The following ARL10 variants were observed in gnomAD, a reference collection of about 807,000 sequenced individuals.
ARL10 encodes the protein ADP-ribosylation factor-like protein 10.
Under a neutral mutation model 26.1 loss-of-function variants are expected in ARL10, and 23 were observed. That is an observed-to-expected ratio of 0.88 (90% CI 0.63 to 1.25). ARL10 has a LOEUF of 1.25. Among genes scored for constraint, ARL10 ranks in the 50% most tolerant of loss-of-function variants. The pLI is 0.00. For missense variants in ARL10, 300 were observed against 323.6 expected, an observed-to-expected ratio of 0.93 and a Z score of 0.56; for synonymous variants, 138 against 149.1, an observed-to-expected ratio of 0.93 and a Z score of 0.54.
the ARL10 span, among the ~76,000 whole-genome samples, chr5:176,410,643 C>A: frequency 6.6e-6 from 1 of 152,160 alleles, no homozygotes; most frequent in African/African-American, 2.4e-5. Flanking sequence ...ATCACTGACC[C>A]CTGGCCATGG....
In ARL10 at chr5:176,376,767, G is replaced by T. The variant is rs983739418; in HGVS notation, c.*4872G>T. ...ACAGGTGTGTAGTTCCAGGAGTCTG[G>T]AGAGGTCCTTTTGAGTTGTGAGATG... On this transcript the variant is annotated 3_prime_UTR_variant, in exon 4 of 4. Transcript: ENST00000310389. 4 of 152,286 alleles carry T rather than the reference G, an allele frequency of 2.6e-5. No individual in the cohort carries two copies. Among genetic ancestry groups the T allele is most frequent in the African/African-American group, 9.6e-5 (4 of 41,550 alleles). The allele number at this position is 152,286 out of a possible 1,614,324, so 9.4% of individuals were successfully genotyped here.
At chr5:176,396,529 G>A (rs760569600) in intron 1 of ARL10, 6 of 1,612,956 alleles carry the variant, frequency 3.7e-6, no homozygotes, top group East Asian at 4.5e-5. Flanking sequence ...CTTTGTCAGC[G>A]ATCCTTGAGG....
rs573834559 is a variant in ARL10, at chr5:176,394,771, T to C, written c.134-6970T>C. ...CGGAGGTTGCAGTGAGCTGAGATCATGCCACTGCACTCCAGCCTGGGTGAC... is the reference window on the plus strand; with the variant it reads ...CGGAGGTTGCAGTGAGCTGAGATCACGCCACTGCACTCCAGCCTGGGTGAC... On this transcript the variant is annotated intron_variant, in intron 1 of 1. Coordinates refer to the ARL10 transcript ENST00000514533. Among the ~76,000 whole-genome samples the C allele has an allele frequency of 1.9e-3, 291 of 151,716 alleles. 4 individuals are homozygous for C. The highest frequency in any genetic ancestry group is 3.5e-3 in the Non-Finnish European group (240 of 67,978).
chr5:176,365,972 C>T (rs1437562162), intron 1 of ARL10, among the ~76,000 whole-genome samples: 1 of 152,174 alleles, frequency 6.6e-6, no homozygotes, highest in African/African-American at 2.4e-5. Flanking sequence ...TGGCGCCACG[C>T]CGTCGCTCCA....
intron 1 of ARL10, chr5:176,396,329 C>T: frequency 1.4e-6 from 1 of 730,552 alleles, no homozygotes; most frequent in Non-Finnish European, 2.5e-6. Flanking sequence ...GTGGTTGCTG[C>T]CTGCACCCAC....
At chr5:176,389,734 T>C (rs193084725), downstream of ARL10, 120 of 437,550 alleles carry the variant, frequency 2.7e-4, no homozygotes, top group East Asian at 4.0e-3. Flanking sequence ...CCCTGCTTAA[T>C]AAACTCTAAA....
At chr5:176,365,959 C>T (rs1768279545) in intron 1 of ARL10, among the ~76,000 whole-genome samples, 1 of 152,192 alleles carries the variant, frequency 6.6e-6, no homozygotes. Context: ...GCGTGCGGCG[C>T]CTTGGCGCCA....
chr5:176,402,905 G>T (rs1756896447), downstream of ARL10, among the ~76,000 whole-genome samples: 1 of 152,186 alleles, frequency 6.6e-6, no homozygotes, highest in Non-Finnish European at 1.5e-5. Flanking sequence ...GCACGTGTAA[G>T]AATCACGTGG....
downstream of ARL10, among the ~76,000 whole-genome samples, chr5:176,403,548 G>A (rs1481810660): frequency 1.3e-5 from 2 of 150,758 alleles, no homozygotes; most frequent in Admixed American, 6.6e-5. Context: ...TCCGCCTCCC[G>A]GGTTCAAGCA....
In ARL10 at chr5:176,381,127, C is replaced by A. The variant is rs184139401; in HGVS notation, c.*9232C>A. 6.6e-6 allele frequency: 1 copy of A among 152,134 alleles called. No individual in the cohort carries two copies. The highest frequency in any genetic ancestry group is 2.4e-5 in the African/African-American group (1 of 41,420). The allele number at this position is 152,134 out of a possible 1,614,324, so 9.4% of individuals were successfully genotyped here. ...CAGACTCCTTGGATTGAAACAAACCCGTTATCAAAAGGATAACCTACCCAA... is the reference window on the plus strand; with the variant it reads ...CAGACTCCTTGGATTGAAACAAACCAGTTATCAAAAGGATAACCTACCCAA... On this transcript the variant is annotated 3_prime_UTR_variant, in exon 4 of 4. Coordinates refer to ENST00000310389, the MANE Select transcript of ARL10 (RefSeq NM_173664.6).
downstream of ARL10, chr5:176,386,563 A>G: frequency 2.0e-6 from 1 of 494,706 alleles, no homozygotes; most frequent in East Asian, 3.9e-5. Context: ...TACCCATGCC[A>G]GAGATTTACT....
At chr5:176,412,399 C>T in the ARL10 span, among the ~76,000 whole-genome samples, 1 of 152,156 alleles carries the variant, frequency 6.6e-6, no homozygotes. Context: ...TTACCAGGCT[C>T]CGTGTCCTAT....
chr5:176,373,254 C>T lies in ARL10; in HGVS notation c.*1359C>T, dbSNP rs868199792. 1.8e-5 allele frequency: 7 copies of T among 388,920 alleles called. No individual in the cohort carries two copies. Among genetic ancestry groups the T allele is most frequent in the Middle Eastern group, 6.4e-4 (1 of 1,572 alleles). The allele number at this position is 388,920 out of a possible 1,614,324, so 24.1% of individuals were successfully genotyped here. ...GACCCAATTTTTCCCCAGTGAAAGC[C>T]AAGTTGGACTGAATTTCTGGAGTTC... On this transcript the variant is annotated 3_prime_UTR_variant, in exon 4 of 4. Coordinates refer to ENST00000310389, the MANE Select transcript of ARL10 (RefSeq NM_173664.6).
chr5:176,390,405 A>C (rs923895826), downstream of ARL10, among the ~76,000 whole-genome samples: 6 of 151,726 alleles, frequency 4.0e-5, no homozygotes, highest in African/African-American at 1.2e-4. Context: ...ACCTCCCTAG[A>C]GTCTATGGGG....
rs1019487549 is a variant in ARL10, at chr5:176,373,083, G to A, written c.*1188G>A. The A allele has an allele frequency of 4.3e-5, 17 of 398,406 alleles. No homozygotes were observed. Among genetic ancestry groups the A allele is most frequent in the Non-Finnish European group, 5.8e-5 (13 of 226,060 alleles). The allele number at this position is 398,406 out of a possible 1,614,324, so 24.7% of individuals were successfully genotyped here. On this transcript the variant is annotated 3_prime_UTR_variant, in exon 4 of 4. Transcript: ENST00000310389. ...GTTGAAAGGGTGCAAATTCCTTCTGGGTAGATAAGAAATGACTCTGGGAGA... is the reference window on the plus strand; with the variant it reads ...GTTGAAAGGGTGCAAATTCCTTCTGAGTAGATAAGAAATGACTCTGGGAGA...
At chr5:176,386,758 C>G, downstream of ARL10, 1 of 1,253,864 alleles carries the variant, frequency 8.0e-7, no homozygotes. Context: ...TCTCCATCTG[C>G]AAAATGAGGA....
chr5:176,372,042 G>A lies in ARL10; in HGVS notation c.*147G>A, dbSNP rs977475170. ...CCTTTCAAGAGCAGGGCCTGGGCAA[G>A]GCCAAGAACCATGCAGAAGCCTTCC... On this transcript the variant is annotated 3_prime_UTR_variant, in exon 4 of 4. Transcript: ENST00000310389. The A allele has an allele frequency of 2.9e-5, 42 of 1,444,020 alleles. No homozygotes were observed. The South Asian group carries it at 6.1e-4, about 21-fold the overall frequency. 89.5% of individuals were successfully genotyped at this position (1,444,020 alleles called of 1,614,324 possible). A position where few individuals can be genotyped will look rare whatever the true frequency, so the allele number is the denominator to read the frequency against.
At chr5:176,385,279 G>T, downstream of ARL10, 1 of 1,613,466 alleles carries the variant, frequency 6.2e-7, no homozygotes, top group African/African-American at 1.3e-5. Flanking sequence ...GAGGTCCCGA[G>T]ACAGAGTATT....
downstream of ARL10, chr5:176,392,862 A>C (rs1299982666): frequency 6.2e-7 from 1 of 1,614,168 alleles, no homozygotes; most frequent in Non-Finnish European, 8.5e-7. The surrounding 1 kb of genome is among the most constrained non-coding windows in gnomAD (Gnocchi z 5.2). Context: ...CTTGGGGTTG[A>C]AGTCACATAG....
Sources: gnomAD v4.1 joint callset for allele counts (sites outside exome capture counted in the v4.1 genomes callset) on GRCh38, gnomAD v4.1.1 for gene constraint, Gnocchi (gnomAD v3.1) non-coding constraint, MANE v1.5 for transcripts, NCBI Gene and HGNC (gene_info 2026-07-23, HGNC 2026-07-21) for gene names.